TMEM232: variants seen among roughly 807,000 people sequenced by gnomAD.
TMEM232 encodes the protein transmembrane protein 232.
A neutral mutation model predicts 78.8 loss-of-function variants in TMEM232; 80 were observed. The observed-to-expected ratio is 1.01, with a 90% CI of 0.85 to 1.22. The LOEUF is 1.22. Among genes scored for constraint, TMEM232 ranks in the 50% most tolerant of loss-of-function variants. The pLI is 0.00. For missense variants in TMEM232, 881 were observed against 742.2 expected (o/e 1.19, Z -2.17); for synonymous variants, 297 against 254.3 (o/e 1.17, Z -1.60).
intron 7 of TMEM232, among the ~76,000 whole-genome samples, chr5:110,619,912 A>G (rs1384060457): frequency 6.6e-6 from 1 of 152,172 alleles, no homozygotes; most frequent in African/African-American, 2.4e-5. Context: ...AACTTAAAGC[A>G]TAATATTAAA....
chr5:110,627,753 A>T (rs1784606502), intron 6 of TMEM232, 28 bp downstream of exon 6: 2 of 1,344,954 alleles, frequency 1.5e-6, no homozygotes, highest in East Asian at 5.1e-5. Flanking sequence ...TAAAACATTT[A>T]TAAGTGTAAA....
chr5:110,541,562 T>C (rs1044349711), intron 11 of TMEM232, among the ~76,000 whole-genome samples: 3 of 152,062 alleles, frequency 2.0e-5, no homozygotes, highest in African/African-American at 7.2e-5. Flanking sequence ...GCTAAGGCTC[T>C]CAGAATCAAA....
chr5:110,441,692 G>T (rs1393358113), intron 12 of TMEM232, among the ~76,000 whole-genome samples: 2 of 152,134 alleles, frequency 1.3e-5, no homozygotes, highest in Non-Finnish European at 1.5e-5. Flanking sequence ...AAATTGAGTT[G>T]CCTTACTGGA....
chr5:110,533,458 T>G (rs1284405021), intron 11 of TMEM232, among the ~76,000 whole-genome samples: 1 of 152,238 alleles, frequency 6.6e-6, no homozygotes, highest in Non-Finnish European at 1.5e-5. Flanking sequence ...CTTACTGTTT[T>G]AGCCTAGCCC....
intron 12 of TMEM232, among the ~76,000 whole-genome samples, chr5:110,465,198 T>C (rs909820889): frequency 6.6e-6 from 1 of 152,242 alleles, no homozygotes; most frequent in African/African-American, 2.4e-5. Flanking sequence ...TTGAGAAGAT[T>C]AGACTGTTTA....
chr5:110,520,662 G>A (rs752941717), intron 12 of TMEM232, among the ~76,000 whole-genome samples: 3 of 152,180 alleles, frequency 2.0e-5, no homozygotes, highest in Non-Finnish European at 2.9e-5. Context: ...GCTCATGCCT[G>A]TAATCCCAGC....
chr5:110,694,996 T>C (rs1351745059), intron 1 of TMEM232, among the ~76,000 whole-genome samples: 1 of 152,088 alleles, frequency 6.6e-6, no homozygotes, highest in Admixed American at 6.5e-5. Flanking sequence ...CAACAGAATA[T>C]ACATTCTTTT....
At chr5:110,636,531 T>C (rs563692704) in intron 5 of TMEM232, among the ~76,000 whole-genome samples, 61 of 152,122 alleles carry the variant, frequency 4.0e-4, no homozygotes, top group African/African-American at 1.4e-3. Flanking sequence ...CATAAATATT[T>C]AAAATGTTAT....
chr5:110,657,418 C>G (rs1789239688), intron 2 of TMEM232, among the ~76,000 whole-genome samples: 1 of 137,986 alleles, frequency 7.2e-6, no homozygotes, highest in South Asian at 2.3e-4. Flanking sequence ...TAGTAGAATA[C>G]TATAAAGCCA....
At chr5:110,695,920 G>C (rs1267554251) in intron 1 of TMEM232, among the ~76,000 whole-genome samples, 1 of 152,014 alleles carries the variant, frequency 6.6e-6, no homozygotes, top group African/African-American at 2.4e-5. Flanking sequence ...CCAATCGATA[G>C]AAAAAAGAGG....
At chr5:110,411,526 G>A (rs923713465) in intron 2 of TMEM232, among the ~76,000 whole-genome samples, 1 of 152,060 alleles carries the variant, frequency 6.6e-6, no homozygotes, top group Admixed American at 6.6e-5. Context: ...GTAGTGTCAA[G>A]TATATTTACA....
chr5:110,586,319 GT>G (rs1230391969), intron 10 of TMEM232, among the ~76,000 whole-genome samples: 3 of 151,336 alleles, frequency 2.0e-5, no homozygotes, highest in East Asian at 1.9e-4. Flanking sequence ...TGATTTTTCT[GT>G]TTTGTTTATG....
chr5:110,510,207 C>A (rs1053451018), intron 12 of TMEM232, among the ~76,000 whole-genome samples: 1 of 152,126 alleles, frequency 6.6e-6, no homozygotes, highest in Admixed American at 6.5e-5. Context: ...TTTTGAAACT[C>A]ACTGCCTACT....
chr5:110,573,721 T>C (rs10044727), intron 10 of TMEM232, among the ~76,000 whole-genome samples: 2 of 151,902 alleles, frequency 1.3e-5, no homozygotes, highest in African/African-American at 4.8e-5. Context: ...AAAACTTCCA[T>C]GAGGAGGTGA....
chr5:110,520,360 C>A (rs1412769709), intron 12 of TMEM232, among the ~76,000 whole-genome samples: 2 of 151,776 alleles, frequency 1.3e-5, no homozygotes, highest in African/African-American at 4.8e-5. Context: ...AAGAGTAGAT[C>A]ATTCTGAACT....
intron 1 of TMEM232, among the ~76,000 whole-genome samples, chr5:110,673,990 G>GAAA (rs35347916): frequency 5.5e-5 from 7 of 127,724 alleles, no homozygotes; most frequent in East Asian, 2.2e-4. Flanking sequence ...GAGGTAACAT[G>GAAA]AAAAAAAAAA....
chr5:110,489,569 C>A (rs1764814921), intron 12 of TMEM232, among the ~76,000 whole-genome samples: 1 of 152,068 alleles, frequency 6.6e-6, no homozygotes, highest in South Asian at 2.1e-4. Context: ...TGGTGAAAGA[C>A]TGAAAGCTTT....
intron 10 of TMEM232, among the ~76,000 whole-genome samples, chr5:110,578,669 C>A (rs2149717840): frequency 6.6e-6 from 1 of 151,898 alleles, no homozygotes; most frequent in Non-Finnish European, 1.5e-5. Flanking sequence ...ACTCAGTAAC[C>A]ACTGATTAGA....
chr5:110,600,435 AAG>A (rs1347725894), intron 10 of TMEM232, among the ~76,000 whole-genome samples: 1 of 152,178 alleles, frequency 6.6e-6, no homozygotes, highest in East Asian at 1.9e-4. Flanking sequence ...TACAGAAGAA[AAG>A]AGAGAAGAAT....
Sources: gnomAD v4.1 joint callset for allele counts (sites outside exome capture counted in the v4.1 genomes callset) on GRCh38, gnomAD v4.1.1 for gene constraint, MANE v1.5 for transcripts, NCBI Gene and HGNC (gene_info 2026-07-23, HGNC 2026-07-21) for gene names.